The following RABGAP1L variants were observed in gnomAD, a reference collection of about 807,000 sequenced individuals.
RABGAP1L encodes the protein RAB GTPase activating protein 1 like.
In RABGAP1L, 63 loss-of-function variants were observed where a neutral mutation model predicts 137.7. That is an observed-to-expected ratio of 0.46 (90% CI 0.37 to 0.56). The LOEUF (loss-of-function observed/expected upper bound fraction) is 0.56. RABGAP1L is among the 20% of genes least tolerant of loss of function. The pLI, the probability that RABGAP1L is intolerant of heterozygous loss-of-function variation, is 0.00. For missense variants in RABGAP1L, 1,095 were observed against 1,244.0 expected (o/e 0.88, Z 1.80); for synonymous variants, 431 against 433.7 (o/e 0.99, Z 0.08).
At chr1:174,644,042 G>A (rs1239718353) in intron 14 of RABGAP1L, among the ~76,000 whole-genome samples, 2 of 151,746 alleles carry the variant, frequency 1.3e-5, no homozygotes, top group African/African-American at 4.8e-5. Context: ...TATCATTATA[G>A]TCATACAAAA....
At chr1:174,747,402 TAAAAAA>T (rs35889834) in intron 17 of RABGAP1L, among the ~76,000 whole-genome samples, 1 of 81,904 alleles carries the variant, frequency 1.2e-5, no homozygotes, top group East Asian at 3.9e-4. Flanking sequence ...ATTCTATCTC[TAAAAAA>T]AAAAAAAAAA....
rs969941575 is a variant in RABGAP1L at position 174,201,476 on chromosome 1, G to C, written c.-33-17649G>C. Among the ~76,000 whole-genome samples, 54 of 152,258 alleles carry C rather than the reference G, an allele frequency of 3.5e-4. 1 individual carries two copies. Among genetic ancestry groups the C allele is most frequent in the Non-Finnish European group, 3.2e-4 (22 of 68,024 alleles). On this transcript the variant is annotated intron_variant, in intron 1 of 25. Coordinates refer to ENST00000681986, the MANE Select transcript of RABGAP1L (RefSeq NM_001366446.1). ...GCCTCCCAAGGGGCTGGGATTACAGGTGCCACCGCACCCGGCCTAGAAACT... is the reference window on the plus strand; with the variant it reads ...GCCTCCCAAGGGGCTGGGATTACAGCTGCCACCGCACCCGGCCTAGAAACT...
intron 19 of RABGAP1L, chr1:174,897,778 T>C (rs1347443329): frequency 6.6e-6 from 1 of 151,906 alleles, no homozygotes; most frequent in Non-Finnish European, 1.5e-5. Flanking sequence ...TCACCTGAGG[T>C]AAGAAGTTTG....
chr1:174,643,151 A>G (rs766587689), intron 14 of RABGAP1L, among the ~76,000 whole-genome samples: 4 of 151,884 alleles, frequency 2.6e-5, no homozygotes, highest in African/African-American at 7.3e-5. Flanking sequence ...AACTCCTTCC[A>G]CTCATATCTT....
intron 12 of RABGAP1L, among the ~76,000 whole-genome samples, chr1:174,374,371 G>A (rs1449780242): frequency 1.3e-5 from 2 of 152,082 alleles, no homozygotes; most frequent in Non-Finnish European, 2.9e-5. Flanking sequence ...CATAAAACAA[G>A]GACTCCCTTC....
At chr1:174,916,083 T>TG (rs1660825368) in intron 19 of RABGAP1L, among the ~76,000 whole-genome samples, 1 of 151,124 alleles carries the variant, frequency 6.6e-6, no homozygotes. Flanking sequence ...TTAGTTTTTT[T>TG]TTTTTTTTTG....
At chr1:174,865,309 C>T (rs991854087) in intron 19 of RABGAP1L, among the ~76,000 whole-genome samples, 1 of 152,130 alleles carries the variant, frequency 6.6e-6, no homozygotes, top group African/African-American at 2.4e-5. Flanking sequence ...CCACTGCATT[C>T]CAGCGTGGGT....
rs1292575542 is a variant in RABGAP1L at position 174,840,514 on chromosome 1, A to C, written c.2340+28554A>C. ...GCTTTCTTGGCCTTCCTAGGGTATAAAGAAGAAAGCGGGGGTGCTGGGCAC... is the reference window on the plus strand; with the variant it reads ...GCTTTCTTGGCCTTCCTAGGGTATACAGAAGAAAGCGGGGGTGCTGGGCAC... On this transcript the variant is annotated intron_variant, in intron 19 of 25. Coordinates refer to ENST00000681986, the MANE Select transcript of RABGAP1L (RefSeq NM_001366446.1). 1.3e-4 allele frequency among the ~76,000 whole-genome samples: 20 copies of C among 151,962 alleles called. 1 individual carries two copies. The highest frequency in any genetic ancestry group is 1.3e-3 in the Admixed American group (20 of 15,254).
intron 19 of RABGAP1L, among the ~76,000 whole-genome samples, chr1:174,819,243 TGGGA>T (rs1558113139): frequency 7.5e-6 from 1 of 132,570 alleles, no homozygotes; most frequent in East Asian, 2.4e-4. Context: ...AGAGTAAGTA[TGGGA>T]GAGAGAGAGA....
At chr1:174,639,723 G>C (rs1377379113) in intron 14 of RABGAP1L, among the ~76,000 whole-genome samples, 2 of 152,018 alleles carry the variant, frequency 1.3e-5, no homozygotes, top group Non-Finnish European at 2.9e-5. Flanking sequence ...GCCTTGTTAT[G>C]TAATATTTAG....
At chr1:174,463,567 C>T (rs1056213352) in intron 13 of RABGAP1L, among the ~76,000 whole-genome samples, 2 of 151,772 alleles carry the variant, frequency 1.3e-5, no homozygotes, top group Admixed American at 6.6e-5. Flanking sequence ...TGCTAAATGA[C>T]GAGTTAATGG....
chr1:174,990,178 C>CT lies in RABGAP1L; in HGVS notation c.*178dup, dbSNP rs534901541. On this transcript the variant is annotated 3_prime_UTR_variant, in exon 26 of 26. Transcript: ENST00000681986. ...TCAAAGGGATGCTATTTAAACTGAC[C>CT]TGTTCTATGTTGAATACCTATTTTC... 56 of 786,644 alleles carry CT rather than the reference C, an allele frequency of 7.1e-5. No individual in the cohort carries two copies. In the South Asian group the frequency reaches 9.9e-4, roughly 14 times the overall value. The allele number at this position is 786,644 out of a possible 1,614,324, so 48.7% of individuals were successfully genotyped here.
chr1:174,587,036 A>G (rs1422954452), intron 13 of RABGAP1L, among the ~76,000 whole-genome samples: 2 of 151,592 alleles, frequency 1.3e-5, no homozygotes, highest in Non-Finnish European at 2.9e-5. Context: ...ACTGAGAATG[A>G]TGGTTTCCAA....
At chr1:174,377,838 G>A (rs938549670) in intron 12 of RABGAP1L, among the ~76,000 whole-genome samples, 2 of 146,148 alleles carry the variant, frequency 1.4e-5, no homozygotes, top group African/African-American at 5.2e-5. Context: ...ACATTGTGCA[G>A]GTTAGTTACA....
At chr1:174,384,303 A>G (rs753017644) in intron 12 of RABGAP1L, among the ~76,000 whole-genome samples, 6 of 152,188 alleles carry the variant, frequency 3.9e-5, no homozygotes, top group Non-Finnish European at 8.8e-5. Context: ...GAATTTGGGT[A>G]TGGGGGGAAT....
intron 19 of RABGAP1L, among the ~76,000 whole-genome samples, chr1:174,944,274 C>CAAAAAAA (rs56225773): frequency 5.9e-5 from 3 of 50,876 alleles, no homozygotes; most frequent in Non-Finnish European, 7.9e-5. Context: ...AAGACTGTCT[C>CAAAAAAA]AAAAAAAAAA....
At chr1:174,464,687 T>G (rs1657093976) in intron 13 of RABGAP1L, among the ~76,000 whole-genome samples, 1 of 152,150 alleles carries the variant, frequency 6.6e-6, no homozygotes, top group Non-Finnish European at 1.5e-5. Flanking sequence ...CCTTAATCAC[T>G]CTTTCATTTA....
chr1:174,496,428 G>A (rs1232635025), intron 13 of RABGAP1L, among the ~76,000 whole-genome samples: 1 of 152,198 alleles, frequency 6.6e-6, no homozygotes, highest in African/African-American at 2.4e-5. Context: ...GTCTGAGAAA[G>A]ACGACCCTCT....
At chr1:174,500,864 A>C (rs540393316) in intron 13 of RABGAP1L, among the ~76,000 whole-genome samples, 47 of 152,300 alleles carry the variant, frequency 3.1e-4, no homozygotes, top group Middle Eastern at 3.4e-3. Context: ...AAGATTTGGT[A>C]GATATTGGTT....
Sources: allele counts gnomAD v4.1 joint callset (sites outside exome capture counted in the v4.1 genomes callset), GRCh38; gene constraint gnomAD v4.1.1; transcripts MANE v1.5; gene names NCBI Gene and HGNC (gene_info 2026-07-23, HGNC 2026-07-21).